TRPS1: variants seen among roughly 807,000 people sequenced by gnomAD.
TRPS1 encodes the protein transcriptional repressor GATA binding 1.
A neutral mutation model predicts 101.2 loss-of-function variants in TRPS1; 6 were observed. The ratio of observed to expected loss-of-function variants is 0.06; its 90% CI spans 0.03 to 0.12. TRPS1 has a LOEUF of 0.12. TRPS1 is among the 10% of genes least tolerant of loss of function. The probability of loss-of-function intolerance (pLI) is 1.00; values close to 1 mark genes in which losing one functional copy is unlikely to be tolerated. For missense variants in TRPS1, 1,363 were observed against 1,567.0 expected, an observed-to-expected ratio of 0.87 and a Z score of 2.20; for synonymous variants, 578 against 589.8, an observed-to-expected ratio of 0.98 and a Z score of 0.29.
chr8:115,544,478 A>G (rs1270840722), intron 5 of TRPS1, among the ~76,000 whole-genome samples: 2 of 152,098 alleles, frequency 1.3e-5, no homozygotes, highest in Non-Finnish European at 2.9e-5. Context: ...TGCTAGAGCT[A>G]TACCTAACAC....
intron 5 of TRPS1, among the ~76,000 whole-genome samples, chr8:115,572,454 T>G (rs1817226690): frequency 6.6e-6 from 1 of 151,974 alleles, no homozygotes; most frequent in African/African-American, 2.4e-5. Flanking sequence ...TTTGCTATTT[T>G]TTTTTTGTTA....
intron 3 of TRPS1, among the ~76,000 whole-genome samples, chr8:115,610,312 C>T (rs186903795): frequency 4.6e-5 from 7 of 152,124 alleles, no homozygotes; most frequent in Non-Finnish European, 1.0e-4. Context: ...CTGTAAGGGC[C>T]GATCTTAGCG....
At chr8:115,436,884 T>C (rs886334383) in intron 5 of TRPS1, among the ~76,000 whole-genome samples, 3 of 151,394 alleles carry the variant, frequency 2.0e-5, no homozygotes, top group African/African-American at 7.3e-5. Context: ...TGTAGATTCT[T>C]AAGACAAAAT....
At chr8:115,446,662 G>A (rs897169889) in intron 5 of TRPS1, among the ~76,000 whole-genome samples, 1 of 151,920 alleles carries the variant, frequency 6.6e-6, no homozygotes, top group African/African-American at 2.4e-5. Flanking sequence ...ATGCATTCTC[G>A]CTCTATCCAT....
intron 5 of TRPS1, among the ~76,000 whole-genome samples, chr8:115,469,887 T>G (rs1814423672): frequency 6.6e-6 from 1 of 152,142 alleles, no homozygotes; most frequent in African/African-American, 2.4e-5. Flanking sequence ...TTGACTACAG[T>G]CCAGCTTGTT....
chr8:115,499,915 A>ATGTC (rs1815258954), intron 5 of TRPS1, among the ~76,000 whole-genome samples: 1 of 134,772 alleles, frequency 7.4e-6, no homozygotes. Flanking sequence ...AAAGTGCTAA[A>ATGTC]TTTCTTTCTT....
chr8:115,607,853 T>A (rs1451767084), intron 3 of TRPS1, among the ~76,000 whole-genome samples: 1 of 152,102 alleles, frequency 6.6e-6, no homozygotes, highest in Non-Finnish European at 1.5e-5. Flanking sequence ...ATAGATGACA[T>A]ACAACATTTA....
chr8:115,658,637 T>C (rs2130624098), intron 1 of TRPS1, among the ~76,000 whole-genome samples: 1 of 152,218 alleles, frequency 6.6e-6, no homozygotes, highest in Admixed American at 6.5e-5. Context: ...ACTGAATCGT[T>C]CAGGAAGTGA....
At chr8:115,478,055 T>A (rs955430656) in intron 5 of TRPS1, among the ~76,000 whole-genome samples, 2 of 152,178 alleles carry the variant, frequency 1.3e-5, no homozygotes, top group African/African-American at 2.4e-5. Context: ...ATATTCCTTT[T>A]AACAAAATTA....
Position 115,414,063 on chromosome 8 carries a change from T to A in TRPS1, c.3845A>T (p.Asn1282Ile). ...TTHIQRGLHR[N>I]NAQVEKNGKP... is the part of the protein sequence containing the mutation. Reference sequence around the variant, plus strand: ...TCCATTTTTTTCCACTTGTGCATTGTTCCTATGCAGGCCCCTCTGGATATG... The same window carrying A: ...TCCATTTTTTTCCACTTGTGCATTGATCCTATGCAGGCCCCTCTGGATATG... Residue 1282 changes from asparagine to isoleucine, a missense_variant, in exon 7 of 7, where the codon AAC becomes ATC. By Grantham distance (149) the Asn-to-Ile change is moderately radical. This residue lies in a region of TRPS1 where 307 missense variants were observed against 392.4 expected (regional missense o/e 0.78). Coordinates refer to ENST00000395715, the MANE Select transcript of TRPS1 (RefSeq NM_014112.5). The surrounding 1 kb of genome is among the most constrained non-coding windows in gnomAD (Gnocchi z 4.8). 2 of 1,613,838 alleles carry A rather than the reference T, an allele frequency of 1.2e-6. No individual in the cohort carries two copies. Among genetic ancestry groups the A allele is most frequent in the Non-Finnish European group, 1.7e-6 (2 of 1,179,810 alleles).
At chr8:115,660,892 C>G (rs938179072) in intron 1 of TRPS1, among the ~76,000 whole-genome samples, 1 of 151,888 alleles carries the variant, frequency 6.6e-6, no homozygotes, top group African/African-American at 2.4e-5. Flanking sequence ...TATTACAAGC[C>G]TGGCAAATAG....
At chr8:115,492,088 G>A (rs955523834) in intron 5 of TRPS1, 26 of 421,998 alleles carry the variant, frequency 6.2e-5, no homozygotes, top group Non-Finnish European at 1.2e-4. Context: ...ATTTTGAAAA[G>A]AAAAAAAATC....
chr8:115,531,853 C>T (rs900885638), intron 5 of TRPS1, among the ~76,000 whole-genome samples: 1 of 152,000 alleles, frequency 6.6e-6, no homozygotes, highest in Non-Finnish European at 1.5e-5. Flanking sequence ...AGCATGAAGA[C>T]GTCTGATGGA....
At chr8:115,450,825 C>A (rs1365988867) in intron 5 of TRPS1, among the ~76,000 whole-genome samples, 1 of 152,184 alleles carries the variant, frequency 6.6e-6, no homozygotes, top group South Asian at 2.1e-4. Flanking sequence ...AGTGTTCACA[C>A]CTTACAAAAA....
At chr8:115,563,693 T>C (rs1817002094) in intron 5 of TRPS1, among the ~76,000 whole-genome samples, 1 of 152,142 alleles carries the variant, frequency 6.6e-6, no homozygotes, top group Non-Finnish European at 1.5e-5. Flanking sequence ...TTAACTTGTA[T>C]TCACAGGCCC....
At chr8:115,638,064 A>T (rs748172384) in intron 1 of TRPS1, among the ~76,000 whole-genome samples, 1 of 152,182 alleles carries the variant, frequency 6.6e-6, no homozygotes, top group East Asian at 1.9e-4. Context: ...AAACTCAGTG[A>T]TGATCCCCAC....
chr8:115,627,995 G>T (rs762676469), intron 1 of TRPS1, among the ~76,000 whole-genome samples: 1 of 151,778 alleles, frequency 6.6e-6, no homozygotes, highest in Non-Finnish European at 1.5e-5. Context: ...TATTAAAAGT[G>T]CCAAATTTAA....
intron 5 of TRPS1, among the ~76,000 whole-genome samples, chr8:115,553,135 CA>C (rs1287149396): frequency 1.3e-5 from 2 of 152,042 alleles, no homozygotes; most frequent in Non-Finnish European, 2.9e-5. Context: ...GATTTTTAAA[CA>C]GTACCAAAAT....
At chr8:115,476,728 T>C (rs1467160788) in intron 5 of TRPS1, among the ~76,000 whole-genome samples, 2 of 152,166 alleles carry the variant, frequency 1.3e-5, no homozygotes, top group Non-Finnish European at 2.9e-5. Context: ...TTGCACAAAA[T>C]TATGAATTTT....
Sources: allele counts gnomAD v4.1 joint callset (sites outside exome capture counted in the v4.1 genomes callset), GRCh38; gene constraint gnomAD v4.1.1; regional missense constraint gnomAD v4.1.1; non-coding constraint Gnocchi (gnomAD v3.1); transcripts MANE v1.5; gene names NCBI Gene and HGNC (gene_info 2026-07-23, HGNC 2026-07-21).